NFASC: variants seen among roughly 807,000 people sequenced by gnomAD.
NFASC encodes neurofascin.
NFASC carries 43 observed loss-of-function variants against 147.5 expected under a neutral mutation model. That is an observed-to-expected ratio of 0.29 (90% CI 0.23 to 0.38). The LOEUF is 0.38. Among genes scored for constraint, NFASC ranks in the 10% least tolerant of loss-of-function variants. The pLI is 1.00. For missense variants in NFASC, 1,320 were observed against 1,689.0 expected (o/e 0.78, Z 3.83); for synonymous variants, 622 against 665.5 (o/e 0.93, Z 1.01).
rs2095087396 is a variant in NFASC, at chr1:204,968,682, A to G, written c.819-116A>G. On this transcript the variant is annotated intron_variant, in intron 9 of 29. Coordinates refer to ENST00000339876, the MANE Select transcript of NFASC (RefSeq NM_001005388.3). This position sits in a 1 kb window ranked among gnomAD's most constrained non-coding sequence, Gnocchi z 5.4. ...CAGGAAAGATCAGCTTTTAGAGGAC[A>G]TGCATCCTCCTGGGCCCAAGTATAC... 6.9e-6 allele frequency: 6 copies of G among 869,946 alleles called. No homozygotes were observed. Among genetic ancestry groups the G allele is most frequent in the Non-Finnish European group, 1.0e-5 (6 of 571,900 alleles). The allele number at this position is 869,946 out of a possible 1,614,324, so 53.9% of individuals were successfully genotyped here. A position where few individuals can be genotyped will look rare whatever the true frequency, so the allele number is the denominator to read the frequency against.
rs2096399009 is a variant in NFASC at position 205,021,278 on chromosome 1, T to C, written c.*4739T>C. 6.6e-6 allele frequency: 1 copy of C among 152,566 alleles called. No homozygotes were observed. The highest frequency in any genetic ancestry group is 1.9e-4 in the East Asian group (1 of 5,172). The allele number at this position is 152,566 out of a possible 1,614,324, so 9.5% of individuals were successfully genotyped here. A position where few individuals can be genotyped will look rare whatever the true frequency, so the allele number is the denominator to read the frequency against. The stretch of plus-strand genomic sequence containing the variant: ...TCCCTTCCTTACTAATAATGGGCCT[T>C]CCTGAGACACATTCAGAGAAGGATC... On this transcript the variant is annotated 3_prime_UTR_variant, in exon 30 of 30. Transcript: ENST00000339876.
intron 1 of NFASC, chr1:204,870,709 T>TATCATTAAAAAA: frequency 9.2e-7 from 1 of 1,092,072 alleles, no homozygotes; most frequent in South Asian, 2.5e-5. Flanking sequence ...GGGTGAGTGG[T>TATCATTAAAAAA]TATTAATAAA....
At chr1:204,875,417 A>G (rs1019026726) in intron 1 of NFASC, among the ~76,000 whole-genome samples, 1 of 152,192 alleles carries the variant, frequency 6.6e-6, no homozygotes, top group African/African-American at 2.4e-5. Flanking sequence ...CAGAAGTCAC[A>G]TGTGCCTAAG....
At chr1:204,984,369 G>GTA (rs368772832) in intron 21 of NFASC, 23,336 of 179,308 alleles carry the variant, frequency 0.13, 2,027 homozygotes, top group African/African-American at 0.21. Context: ...GTGTGTGTGT[G>GTA]TATATATATA....
At chr1:204,950,416 G>T in intron 3 of NFASC, 141 bp from the exon 4 acceptor site, 1 of 759,090 alleles carries the variant, frequency 1.3e-6, no homozygotes. Context: ...GCCAGGAGGA[G>T]AGAGCCCTGT....
intron 27 of NFASC, among the ~76,000 whole-genome samples, chr1:205,007,136 G>C (rs2595942): frequency 0.5 from 76,050 of 151,322 alleles, 20,743 homozygotes; most frequent in Non-Finnish European, 0.62. Context: ...GCTGAAAAGT[G>C]TGGCAAGTTC....
intron 8 of NFASC, among the ~76,000 whole-genome samples, chr1:204,965,030 G>T (rs142716906): frequency 6.6e-6 from 1 of 152,332 alleles, no homozygotes. Flanking sequence ...CACAGCTTAC[G>T]AGAGCAGGAG....
chr1:204,981,399 G>C (rs966788688), intron 20 of NFASC, among the ~76,000 whole-genome samples: 2 of 152,286 alleles, frequency 1.3e-5, no homozygotes, highest in Non-Finnish European at 2.9e-5. Flanking sequence ...TCATTAGCAG[G>C]AGCCATGCTG....
intron 25 of NFASC, chr1:205,000,147 C>T (rs1209428027): frequency 2.6e-5 from 4 of 152,194 alleles, no homozygotes; most frequent in African/African-American, 9.7e-5. Flanking sequence ...GCATCAAAAA[C>T]TCGGTGGTGC....
chr1:204,910,308 A>G (rs1414323357), intron 1 of NFASC, among the ~76,000 whole-genome samples: 1 of 152,068 alleles, frequency 6.6e-6, no homozygotes, highest in Non-Finnish European at 1.5e-5. Context: ...TGTTCATTCT[A>G]TGCCTATTTT....
chr1:205,001,742 C>G (rs142621118), intron 26 of NFASC, among the ~76,000 whole-genome samples: 2 of 152,172 alleles, frequency 1.3e-5, no homozygotes, highest in Non-Finnish European at 2.9e-5. Flanking sequence ...CAGACCAGAG[C>G]CATTTGTCCC....
At chr1:204,842,699 A>G (rs1290630924) in intron 1 of NFASC, among the ~76,000 whole-genome samples, 1 of 152,252 alleles carries the variant, frequency 6.6e-6, no homozygotes, top group Non-Finnish European at 1.5e-5. Flanking sequence ...TTATTCCAGC[A>G]CAACCTGTCC....
At position 204,896,671 on chromosome 1, in the gene NFASC, A is replaced by G. The variant is rs554005702; in HGVS notation, c.-199-23961A>G. On this transcript the variant is annotated intron_variant, in intron 1 of 29. Transcript: ENST00000339876. ...CTTTCCAGGTCTTGGTTTTGTGTCT[A>G]GGCCATTGTGGGAACTATTTGTGGC... 2.0e-5 allele frequency among the ~76,000 whole-genome samples: 3 copies of G among 152,310 alleles called. No homozygotes were observed. The South Asian group carries it at 6.2e-4, about 32-fold the overall frequency.
intron 1 of NFASC, among the ~76,000 whole-genome samples, chr1:204,887,670 C>A (rs1475159433): frequency 7.5e-6 from 1 of 133,828 alleles, no homozygotes; most frequent in Non-Finnish European, 1.5e-5. Flanking sequence ...GATCATGGCT[C>A]ACTGTAGCTT....
At chr1:204,877,304 A>G (rs538466830) in intron 1 of NFASC, among the ~76,000 whole-genome samples, 9 of 151,860 alleles carry the variant, frequency 5.9e-5, no homozygotes, top group East Asian at 1.9e-4. Flanking sequence ...TGCACACCCA[A>G]TGGTGAAATG....
Position 204,919,009 on chromosome 1 carries a change from C to T in NFASC, c.-199-1623C>T, listed in dbSNP as rs1050445669. On this transcript the variant is annotated intron_variant, in intron 1 of 29. Transcript: ENST00000339876. The stretch of plus-strand genomic sequence containing the variant: ...TCTGTCCCCTGCACTTCTTGTCTCC[C>T]TCTCCTTGTAGGGTTTTTTGTTTGT... Among the ~76,000 whole-genome samples, 7 of 151,918 alleles carry T rather than the reference C, an allele frequency of 4.6e-5. No individual in the cohort carries two copies. The East Asian group carries it at 1.4e-3, about 29-fold the overall frequency.
At chr1:204,993,846 C>T (rs1348563181) in intron 24 of NFASC, 1 of 504,086 alleles carries the variant, frequency 2.0e-6, no homozygotes, top group Admixed American at 2.0e-5. Flanking sequence ...CTCTCCTCCA[C>T]CTCAGCCCCA....
At position 204,954,129 on chromosome 1, in the gene NFASC, C is replaced by T. The variant is rs552380308; in HGVS notation, c.216-59C>T. ...CCAGGGACTAGGGATCTGAGATCTG[C>T]CTGGAGCCCAGAGCCCACCCCATTC... On this transcript the variant is annotated intron_variant, in intron 5 of 29. Coordinates refer to ENST00000339876, the MANE Select transcript of NFASC (RefSeq NM_001005388.3). This position sits in a 1 kb window ranked among gnomAD's most constrained non-coding sequence, Gnocchi z 5.7. The T allele has an allele frequency of 4.0e-5, 60 of 1,506,506 alleles. No homozygotes were observed. In the South Asian group the frequency reaches 6.7e-4, roughly 17 times the overall value. 93.3% of individuals were successfully genotyped at this position (1,506,506 alleles called of 1,614,324 possible).
At position 204,987,820 on chromosome 1, in the gene NFASC, C is replaced by A. The variant is rs2095646534; in HGVS notation, c.2593+280C>A. 6.6e-6 allele frequency among the ~76,000 whole-genome samples: 1 copy of A among 152,222 alleles called. No individual in the cohort carries two copies. Among genetic ancestry groups the A allele is most frequent in the Non-Finnish European group, 1.5e-5 (1 of 68,050 alleles). ...AGCAGACAGCCATGCCTTTAGGGAT[C>A]TTTTGTAGTCTCCAACACGTACAGA... On this transcript the variant is annotated intron_variant, in intron 22 of 29. Transcript: ENST00000339876. This position sits in a 1 kb window ranked among gnomAD's most constrained non-coding sequence, Gnocchi z 4.4.
Sources: allele counts gnomAD v4.1 joint callset (sites outside exome capture counted in the v4.1 genomes callset), GRCh38; gene constraint gnomAD v4.1.1; non-coding constraint Gnocchi (gnomAD v3.1); transcripts MANE v1.5; gene names NCBI Gene and HGNC (gene_info 2026-07-23, HGNC 2026-07-21).